The following MME variants were observed in gnomAD, a reference collection of about 807,000 sequenced individuals.
MME encodes neprilysin.
A neutral mutation model predicts 113.2 loss-of-function variants in MME; 98 were observed. The ratio of observed to expected loss-of-function variants is 0.87; its 90% CI spans 0.74 to 1.02. The LOEUF is 1.02. Among genes scored for constraint, MME ranks in the 50% least tolerant of loss-of-function variants. MME has a pLI of 0.00. For synonymous variants in MME, 292 were observed against 300.6 expected (o/e 0.97, Z 0.30); for missense variants, 836 against 896.0 (o/e 0.93, Z 0.86).
intron 8 of MME, among the ~76,000 whole-genome samples, chr3:155,126,924 T>C (rs1719713433): frequency 6.6e-6 from 1 of 151,372 alleles, no homozygotes; most frequent in South Asian, 2.1e-4. Context: ...GGAGAATCGC[T>C]TGAACCCAGG....
intron 1 of MME, among the ~76,000 whole-genome samples, chr3:155,039,263 GCTT>G (rs1334227175): frequency 1.3e-5 from 2 of 152,180 alleles, no homozygotes; most frequent in Non-Finnish European, 2.9e-5. Flanking sequence ...TCCTCTAGTG[GCTT>G]CTATTTTCTT....
At chr3:155,042,936 A>ATATT (rs1373416655) in intron 1 of MME, among the ~76,000 whole-genome samples, 1 of 38,934 alleles carries the variant, frequency 2.6e-5, no homozygotes, top group Non-Finnish European at 4.2e-5. Context: ...ATATATATAT[A>ATATT]TATGTATATA....
At chr3:155,173,847 G>GA (rs1313499164) in intron 22 of MME, among the ~76,000 whole-genome samples, 1 of 152,000 alleles carries the variant, frequency 6.6e-6, no homozygotes, top group Admixed American at 6.6e-5. Flanking sequence ...TTTGAGGTAA[G>GA]AAACACTTGA....
intron 14 of MME, among the ~76,000 whole-genome samples, chr3:155,144,919 C>G (rs561145304): frequency 1.3e-5 from 2 of 152,276 alleles, no homozygotes; most frequent in African/African-American, 2.4e-5. Flanking sequence ...GGAACATGTC[C>G]TGTGAAAACT....
chr3:155,092,551 G>A (rs1207176979), intron 3 of MME, among the ~76,000 whole-genome samples: 1 of 152,146 alleles, frequency 6.6e-6, no homozygotes, highest in Non-Finnish European at 1.5e-5. Flanking sequence ...CTTCATTACA[G>A]CATAATGCTG....
intron 17 of MME, among the ~76,000 whole-genome samples, chr3:155,160,751 C>T (rs941424309): frequency 6.6e-6 from 1 of 151,786 alleles, no homozygotes; most frequent in African/African-American, 2.4e-5. Context: ...TTTTTAAAGT[C>T]CCTTGAATAT....
chr3:155,127,100 C>G (rs952644687), intron 8 of MME, among the ~76,000 whole-genome samples: 1 of 151,710 alleles, frequency 6.6e-6, no homozygotes. Flanking sequence ...TTTATATTGA[C>G]TTATCGGCTC....
rs1260070630 is a variant in MME, at chr3:155,167,031, A to C, written c.1780+10A>C. ...GGCTTCGATGACAATGGTAAAGTGCAGTTGACATTTTCCTTTGGCTGAGGT... is the reference window on the plus strand; with the variant it reads ...GGCTTCGATGACAATGGTAAAGTGCCGTTGACATTTTCCTTTGGCTGAGGT... On this transcript the variant is annotated intron_variant, in intron 18 of 22. Coordinates refer to ENST00000360490, the MANE Select transcript of MME (RefSeq NM_007289.4). 4 of 1,613,510 alleles carry C rather than the reference A, an allele frequency of 2.5e-6. 1 individual carries two copies. In the Middle Eastern group the frequency reaches 5.0e-4, roughly 200 times the overall value.
rs1722586248 is a variant in MME at position 155,159,845 on chromosome 3, G to T, written c.1602-545G>T. Among the ~76,000 whole-genome samples the T allele has an allele frequency of 3.3e-5, 5 of 151,956 alleles. No individual in the cohort carries two copies. In the South Asian group the frequency reaches 1.0e-3, roughly 31 times the overall value. On this transcript the variant is annotated intron_variant, in intron 16 of 22. Transcript: ENST00000360490. ...AAATATATCTTTGCTCAATTAGCTGGAATGTTGTATTTTTTGAAAACACTT... is the reference window on the plus strand; with the variant it reads ...AAATATATCTTTGCTCAATTAGCTGTAATGTTGTATTTTTTGAAAACACTT...
At chr3:155,174,415 C>G (rs1233457788) in intron 22 of MME, among the ~76,000 whole-genome samples, 1 of 143,334 alleles carries the variant, frequency 7.0e-6, no homozygotes, top group Non-Finnish European at 1.5e-5. Context: ...GAATGCCAAC[C>G]TTTTGTCAAG....
At chr3:155,094,601 C>T (rs1716570994) in intron 3 of MME, among the ~76,000 whole-genome samples, 1 of 152,180 alleles carries the variant, frequency 6.6e-6, no homozygotes, top group Non-Finnish European at 1.5e-5. Flanking sequence ...GTACATTTTA[C>T]ATATTCTCAA....
intron 7 of MME, among the ~76,000 whole-genome samples, chr3:155,117,600 T>G (rs1032252282): frequency 9.7e-4 from 18 of 18,516 alleles, no homozygotes; most frequent in Admixed American, 3.6e-3. Flanking sequence ...TTTTTTTTTG[T>G]TTTTTTTTTT....
chr3:155,138,241 A>G lies in MME; in HGVS notation c.855+5A>G, dbSNP rs1228006257. 2 of 1,613,316 alleles carry G rather than the reference A, an allele frequency of 1.2e-6. No homozygotes were observed. The highest frequency in any genetic ancestry group is 8.5e-7 in the Non-Finnish European group (1 of 1,179,496). On this transcript the variant is annotated splice_donor_5th_base_variant and intron_variant, in intron 9 of 22. Coordinates refer to ENST00000360490, the MANE Select transcript of MME (RefSeq NM_007289.4). ...TTGGAAAAAGAAATTGCCAATGTAA[A>G]ACACATTTTTTTTTCTGATACACTG...
intron 1 of MME, among the ~76,000 whole-genome samples, chr3:155,024,869 T>C (rs1256505366): frequency 1.3e-5 from 2 of 152,178 alleles, no homozygotes; most frequent in African/African-American, 4.8e-5. Context: ...TATGGTAGAA[T>C]TACTGCTGCA....
At chr3:155,153,947 G>A (rs111890058) in intron 16 of MME, among the ~76,000 whole-genome samples, 8 of 152,264 alleles carry the variant, frequency 5.3e-5, no homozygotes, top group African/African-American at 1.7e-4. Context: ...GCGGGGTTTG[G>A]TTGCTGCTAT....
intron 8 of MME, among the ~76,000 whole-genome samples, chr3:155,136,989 G>T (rs1416820237): frequency 6.6e-6 from 1 of 152,114 alleles, no homozygotes; most frequent in South Asian, 2.1e-4. Flanking sequence ...CTAATAAATA[G>T]CAATTGGTTC....
intron 20 of MME, among the ~76,000 whole-genome samples, chr3:155,171,032 T>C (rs1711879972): frequency 6.6e-6 from 1 of 152,172 alleles, no homozygotes; most frequent in Non-Finnish European, 1.5e-5. Flanking sequence ...TGGAAGGCAT[T>C]GGCACTCAAT....
intron 3 of MME, among the ~76,000 whole-genome samples, chr3:155,107,907 G>A (rs1008079191): frequency 6.6e-6 from 1 of 152,204 alleles, no homozygotes; most frequent in African/African-American, 2.4e-5. Flanking sequence ...GAAGTGCTAT[G>A]TAGTGTTTTG....
Position 155,164,682 on chromosome 3 carries a change from A to G in MME, c.1661-2220A>G, listed in dbSNP as rs561879595. On this transcript the variant is annotated intron_variant, in intron 17 of 22. Transcript: ENST00000360490. ...AATGGGTGGATTTTAATCAAAGTACATAGTGTGGGAGATAGTATTCACTTT... is the reference window on the plus strand; with the variant it reads ...AATGGGTGGATTTTAATCAAAGTACGTAGTGTGGGAGATAGTATTCACTTT... 4.5e-4 allele frequency among the ~76,000 whole-genome samples: 69 copies of G among 152,324 alleles called. No individual in the cohort carries two copies. In the Middle Eastern group the frequency reaches 0.01, roughly 23 times the overall value.
Sources: allele counts gnomAD v4.1 joint callset (sites outside exome capture counted in the v4.1 genomes callset), GRCh38; gene constraint gnomAD v4.1.1; transcripts MANE v1.5; gene names NCBI Gene and HGNC (gene_info 2026-07-23, HGNC 2026-07-21).